ARHGEF6: variants seen among roughly 807,000 people sequenced by gnomAD.
ARHGEF6 encodes Rac/Cdc42 guanine nucleotide exchange factor 6.
ARHGEF6 carries 9 observed loss-of-function variants against 70.3 expected under a neutral mutation model. The observed-to-expected ratio is 0.13, with a 90% CI of 0.08 to 0.22. ARHGEF6 has a LOEUF of 0.22. Among genes scored for constraint, ARHGEF6 ranks in the 10% least tolerant of loss-of-function variants. The pLI is 1.00. For missense variants in ARHGEF6, 470 were observed against 563.0 expected, an observed-to-expected ratio of 0.83 and a Z score of 1.67; for synonymous variants, 201 against 207.8, an observed-to-expected ratio of 0.97 and a Z score of 0.28.
intron 9 of ARHGEF6, among the ~76,000 whole-genome samples, chrX:136,698,031 G>T (rs2076530008): frequency 8.9e-6 from 1 of 111,926 alleles, no homozygotes; most frequent in South Asian, 3.7e-4. Flanking sequence ...TCACCACATA[G>T]AGAACATCCA....
chrX:136,714,373 T>C (rs139934645), intron 6 of ARHGEF6, among the ~76,000 whole-genome samples: 126 of 112,094 alleles, frequency 1.1e-3, no homozygotes, highest in African/African-American at 3.9e-3. Flanking sequence ...ATTGTGCACA[T>C]GTACCCTAGA....
intron 2 of ARHGEF6, among the ~76,000 whole-genome samples, chrX:136,760,387 A>G (rs763354352): frequency 2.4e-4 from 27 of 112,374 alleles, no homozygotes; most frequent in Non-Finnish European, 4.5e-4. Context: ...CCAAGTTAGA[A>G]TGGGGCTGGA....
intron 6 of ARHGEF6, among the ~76,000 whole-genome samples, chrX:136,720,134 A>T (rs1421224213): frequency 8.9e-6 from 1 of 112,187 alleles, no homozygotes; most frequent in Non-Finnish European, 1.9e-5. Context: ...ATACTTCCTA[A>T]CTCATTTTAT....
chrX:136,716,407 T>A (rs1290205835), intron 6 of ARHGEF6, among the ~76,000 whole-genome samples: 1 of 111,329 alleles, frequency 9.0e-6, no homozygotes, highest in African/African-American at 3.3e-5. Context: ...GAAGCACGGG[T>A]GAAGTTCACA....
intron 11 of ARHGEF6, among the ~76,000 whole-genome samples, chrX:136,687,511 A>G (rs989095277): frequency 1.8e-5 from 2 of 112,069 alleles, no homozygotes; most frequent in African/African-American, 6.5e-5. Flanking sequence ...TTTAGATTTG[A>G]TGAAGGATTT....
chrX:136,698,703 C>G (rs2076536451), intron 9 of ARHGEF6, among the ~76,000 whole-genome samples: 1 of 112,271 alleles, frequency 8.9e-6, no homozygotes, highest in Non-Finnish European at 1.9e-5. Flanking sequence ...CATTCCCAGA[C>G]AAGAACTAAG....
At chrX:136,762,594 C>T (rs938658669) in intron 2 of ARHGEF6, among the ~76,000 whole-genome samples, 33 of 111,438 alleles carry the variant, frequency 3.0e-4, no homozygotes, top group African/African-American at 1.1e-3. Context: ...CAGGTTCAAG[C>T]GATTCTCCTG....
intron 2 of ARHGEF6, among the ~76,000 whole-genome samples, chrX:136,776,489 T>C (rs1468152144): frequency 8.9e-6 from 1 of 111,808 alleles, no homozygotes. Flanking sequence ...GCAAGCCACA[T>C]GTAGGAGAAT....
At position 136,680,829 on chromosome X, in the gene ARHGEF6, A is replaced by G; in HGVS notation, c.1606T>C (p.Phe536Leu). 4.1e-6 allele frequency: 5 copies of G among 1,211,727 alleles called. No homozygotes were observed. The highest frequency in any genetic ancestry group is 5.6e-6 in the Non-Finnish European group (5 of 895,317). ...IVVHCNNNQD[F>L]QEWLEQLNRL... ...TTCAGCTGCTCCAACCATTCCTGGAAGTCCTGGTTGTTGTTACAATGGACC... is the reference window on the plus strand; with the variant it reads ...TTCAGCTGCTCCAACCATTCCTGGAGGTCCTGGTTGTTGTTACAATGGACC... The change falls in exon 15 of 22, where the codon TTC (phenylalanine) becomes CTC (leucine). Residue 536 changes from phenylalanine to leucine, a missense_variant. By Grantham distance (22) the Phe-to-Leu change is conservative (BLOSUM62 0). Coordinates refer to ENST00000250617, the MANE Select transcript of ARHGEF6 (RefSeq NM_004840.3).
At chrX:136,670,290 C>A (rs1451286265) in intron 20 of ARHGEF6, among the ~76,000 whole-genome samples, 1 of 111,982 alleles carries the variant, frequency 8.9e-6, no homozygotes, top group Non-Finnish European at 1.9e-5. Context: ...ATACATATAT[C>A]AAGACATCAC....
chrX:136,686,681 C>CATAT (rs746889104), intron 11 of ARHGEF6, among the ~76,000 whole-genome samples: 3 of 56,416 alleles, frequency 5.3e-5, no homozygotes, highest in Non-Finnish European at 6.3e-5. Flanking sequence ...TATATATACA[C>CATAT]ATATATATAT....
intron 2 of ARHGEF6, among the ~76,000 whole-genome samples, chrX:136,749,179 T>C (rs1455772861): frequency 8.9e-6 from 1 of 112,074 alleles, no homozygotes; most frequent in African/African-American, 3.2e-5. Flanking sequence ...CAGAAATACA[T>C]TGACAAGAGT....
At chrX:136,770,221 G>A (rs2077353962) in intron 2 of ARHGEF6, among the ~76,000 whole-genome samples, 1 of 112,245 alleles carries the variant, frequency 8.9e-6, no homozygotes, top group Non-Finnish European at 1.9e-5. Flanking sequence ...GATCTACTGG[G>A]TTTTATCCCA....
At chrX:136,671,779 G>A (rs1462897030) in intron 20 of ARHGEF6, among the ~76,000 whole-genome samples, 1 of 112,214 alleles carries the variant, frequency 8.9e-6, no homozygotes, top group Non-Finnish European at 1.9e-5. Flanking sequence ...GCTGGCTGCA[G>A]GGGCAGCTGC....
At chrX:136,777,578 C>T (rs780145222) in intron 2 of ARHGEF6, among the ~76,000 whole-genome samples, 25 of 111,159 alleles carry the variant, frequency 2.2e-4, no homozygotes, top group South Asian at 7.5e-4. Flanking sequence ...CCATTTGATC[C>T]AGTAATCCTA....
intron 2 of ARHGEF6, among the ~76,000 whole-genome samples, chrX:136,777,787 C>CACACACACACA (rs767698755): frequency 4.6e-5 from 5 of 109,237 alleles, no homozygotes; most frequent in South Asian, 3.9e-4. Flanking sequence ...CACACACACA[C>CACACACACACA]CATGGAATAC....
At chrX:136,721,908 A>G (rs1419911036) in intron 6 of ARHGEF6, among the ~76,000 whole-genome samples, 1 of 111,434 alleles carries the variant, frequency 9.0e-6, no homozygotes, top group East Asian at 2.8e-4. Flanking sequence ...CTCTTAAAAA[A>G]TGCCTAGAGA....
chrX:136,680,098 G>C (rs2076318570), intron 15 of ARHGEF6, among the ~76,000 whole-genome samples: 1 of 112,194 alleles, frequency 8.9e-6, no homozygotes, highest in African/African-American at 3.2e-5. Context: ...ACCCAGATCT[G>C]AAGCCAAAGT....
intron 2 of ARHGEF6, among the ~76,000 whole-genome samples, chrX:136,756,979 T>C (rs2077213344): frequency 8.9e-6 from 1 of 112,342 alleles, no homozygotes; most frequent in Non-Finnish European, 1.9e-5. Context: ...TGCTTTTAGT[T>C]AGCACTCATG....
Sources: gnomAD v4.1 joint callset for allele counts (sites outside exome capture counted in the v4.1 genomes callset) on GRCh38, gnomAD v4.1.1 for gene constraint, MANE v1.5 for transcripts, NCBI Gene and HGNC (gene_info 2026-07-23, HGNC 2026-07-21) for gene names.